The following NRXN1 variants were observed in gnomAD, a reference collection of about 807,000 sequenced individuals.
The protein encoded by NRXN1 is neurexin-1.
In NRXN1, 39 loss-of-function variants were observed where a neutral mutation model predicts 150.9. The observed-to-expected ratio is 0.26, with a 90% CI of 0.20 to 0.34. The LOEUF is 0.34. NRXN1 is among the 10% of genes least tolerant of loss of function. NRXN1 has a pLI of 1.00. For missense variants in NRXN1, 1,815 were observed against 1,949.9 expected (o/e 0.93, Z 1.30); for synonymous variants, 924 against 757.0 (o/e 1.22, Z -3.62).
intron 5 of NRXN1, among the ~76,000 whole-genome samples, chr2:50,757,458 A>T (rs1210834083): frequency 6.6e-6 from 1 of 151,862 alleles, no homozygotes; most frequent in East Asian, 2.0e-4. Flanking sequence ...AATTACCCTG[A>T]CTTAATAATT....
chr2:50,906,081 G>A (rs995761230), intron 5 of NRXN1, among the ~76,000 whole-genome samples: 2 of 152,006 alleles, frequency 1.3e-5, no homozygotes, highest in Non-Finnish European at 2.9e-5. Flanking sequence ...ATGTGGCAGT[G>A]GTGGTTACAC....
intron 17 of NRXN1, among the ~76,000 whole-genome samples, chr2:50,388,097 G>A (rs1039838061): frequency 6.6e-6 from 1 of 152,130 alleles, no homozygotes; most frequent in African/African-American, 2.4e-5. Flanking sequence ...GGTACATGCT[G>A]AGTAAACCAT....
At position 50,098,024 on chromosome 2, in the gene NRXN1, T is replaced by G. The variant is rs1700472342; in HGVS notation, c.3547-6530A>C. ...TACCAATTTAGATGGCCTATAATGG[T>G]AAGAAGTGGTTTTAATCTAGTTGTT... On this transcript the variant is annotated intron_variant, in intron 18 of 22. Coordinates refer to ENST00000401669, the MANE Select transcript of NRXN1 (RefSeq NM_001330078.2). Among the ~76,000 whole-genome samples the G allele has an allele frequency of 3.3e-5, 5 of 152,056 alleles. No individual in the cohort carries two copies. In the South Asian group the frequency reaches 1.0e-3, roughly 32 times the overall value.
chr2:50,373,333 T>A (rs948238710), intron 17 of NRXN1, among the ~76,000 whole-genome samples: 1 of 83,780 alleles, frequency 1.2e-5, no homozygotes, highest in Non-Finnish European at 2.2e-5. Flanking sequence ...TATTATTATT[T>A]TGCCTCAGAT....
chr2:50,311,108 A>C (rs2075141428), intron 17 of NRXN1, among the ~76,000 whole-genome samples: 1 of 152,116 alleles, frequency 6.6e-6, no homozygotes. Context: ...AGCTAAGAAG[A>C]GTAATGCTAT....
intron 5 of NRXN1, among the ~76,000 whole-genome samples, chr2:50,824,539 G>A (rs766474856): frequency 2.0e-5 from 3 of 152,158 alleles, no homozygotes; most frequent in Non-Finnish European, 4.4e-5. Flanking sequence ...TATTTGAGCT[G>A]TATGACTCCC....
At chr2:50,115,392 C>T (rs1702924990) in intron 18 of NRXN1, among the ~76,000 whole-genome samples, 1 of 151,728 alleles carries the variant, frequency 6.6e-6, no homozygotes. Context: ...CAACAGGAAT[C>T]AATGTTTCTT....
intron 18 of NRXN1, among the ~76,000 whole-genome samples, chr2:50,170,709 C>T (rs1448924283): frequency 6.8e-6 from 1 of 148,060 alleles, no homozygotes; most frequent in Non-Finnish European, 1.5e-5. Context: ...GAAACACTTC[C>T]GGTTCAAGCA....
intron 2 of NRXN1, among the ~76,000 whole-genome samples, chr2:50,989,871 C>T (rs952079474): frequency 1.3e-5 from 2 of 152,156 alleles, no homozygotes; most frequent in Admixed American, 6.6e-5. Flanking sequence ...TAGACTTTAT[C>T]AGAACCTGTC....
At chr2:50,979,235 G>C in intron 2 of NRXN1, 3 of 517,248 alleles carry the variant, frequency 5.8e-6, no homozygotes, top group Non-Finnish European at 1.2e-5. Context: ...AAAAGACTAA[G>C]ATTCTCCAGC....
intron 12 of NRXN1, among the ~76,000 whole-genome samples, chr2:50,508,066 T>C (rs2092314528): frequency 1.3e-5 from 2 of 152,082 alleles, no homozygotes; most frequent in South Asian, 4.1e-4. Flanking sequence ...CAGTTTTCCA[T>C]CCACATGAGA....
At chr2:50,516,779 G>C (rs2092644052) in intron 12 of NRXN1, among the ~76,000 whole-genome samples, 1 of 151,718 alleles carries the variant, frequency 6.6e-6, no homozygotes, top group African/African-American at 2.4e-5. Flanking sequence ...TAAGCAAAGA[G>C]ATAGAGTCCT....
Position 50,497,395 on chromosome 2 carries a change from A to C in NRXN1, c.2817T>G (p.Asp939Glu), listed in dbSNP as rs370314907. The C allele has an allele frequency of 1.9e-6, 3 of 1,596,762 alleles. No homozygotes were observed. The African/African-American group carries it at 4.0e-5, about 21-fold the overall frequency. The change falls in exon 14 of 23, where the codon GAT (aspartate) becomes GAG (glutamate). Residue 939 changes from aspartate (D) to glutamate (E), a missense_variant. Asp to Glu is a conservative substitution (Grantham distance 45). Transcript: ENST00000401669. ...LFFQFKTTSL[D>E]GLILYNSGDG... ...CCCCACTGTTATATAGAATTAATCC[A>C]TCTAGGGATGTTGTCTTGAACTGGA...
rs1206456228 is a variant in NRXN1, at chr2:50,842,234, C to G, written c.832+79635G>C. ...TAATTACCCCCTTCAAATGGCTTTT[C>G]TATTACTATTTAAGGTCTGATTTAG... On this transcript the variant is annotated intron_variant, in intron 5 of 22. Transcript: ENST00000401669. Among the ~76,000 whole-genome samples, 44 of 152,116 alleles carry G rather than the reference C, an allele frequency of 2.9e-4. 1 individual carries two copies. The highest frequency in any genetic ancestry group is 1.5e-5 in the Non-Finnish European group (1 of 68,024).
chr2:50,608,255 A>G (rs571572285), intron 8 of NRXN1, among the ~76,000 whole-genome samples: 1 of 152,234 alleles, frequency 6.6e-6, no homozygotes, highest in Non-Finnish European at 1.5e-5. Context: ...AATACTGCCA[A>G]TGATGACAAT....
chr2:49,941,703 T>C lies in NRXN1; in HGVS notation c.4216+2001A>G, dbSNP rs1672005153. ...TTTTCATCGCTGTATTAATACTGTG[T>C]AAAATACTGAAAAATGGATTACCCT... On this transcript the variant is annotated intron_variant, in intron 22 of 22. Coordinates refer to ENST00000401669, the MANE Select transcript of NRXN1 (RefSeq NM_001330078.2). Among the ~76,000 whole-genome samples, 3 of 152,072 alleles carry C rather than the reference T, an allele frequency of 2.0e-5. 1 individual carries two copies. The South Asian group carries it at 6.2e-4, about 32-fold the overall frequency.
At chr2:50,895,919 C>T (rs1400998845) in intron 5 of NRXN1, among the ~76,000 whole-genome samples, 2 of 151,802 alleles carry the variant, frequency 1.3e-5, no homozygotes, top group African/African-American at 2.4e-5. Context: ...ACATTCCAAA[C>T]GATTATTAAA....
At chr2:49,966,864 T>A (rs1221216335) in intron 21 of NRXN1, among the ~76,000 whole-genome samples, 3 of 152,056 alleles carry the variant, frequency 2.0e-5, no homozygotes, top group African/African-American at 7.2e-5. Context: ...AAAAGGAGAT[T>A]CTGAGACCAC....
chr2:50,544,128 A>C (rs2093443601), intron 9 of NRXN1, among the ~76,000 whole-genome samples: 1 of 152,048 alleles, frequency 6.6e-6, no homozygotes, highest in Non-Finnish European at 1.5e-5. Flanking sequence ...ATTCTGCTCC[A>C]CCTGTCCCTA....
Sources: gnomAD v4.1 joint callset for allele counts (sites outside exome capture counted in the v4.1 genomes callset) on GRCh38, gnomAD v4.1.1 for gene constraint, MANE v1.5 for transcripts, NCBI Gene and HGNC (gene_info 2026-07-23, HGNC 2026-07-21) for gene names.